The following APAF1 variants were observed in gnomAD, a reference collection of about 807,000 sequenced individuals.
The protein encoded by APAF1 is apoptotic peptidase activating factor 1, also known as apoptotic protease-activating factor 1.
APAF1 carries 91 observed loss-of-function variants against 152.4 expected under a neutral mutation model. The ratio of observed to expected loss-of-function variants is 0.60; its 90% CI spans 0.50 to 0.71. The LOEUF is 0.71. APAF1 is among the 30% of genes least tolerant of loss of function. The pLI, the probability that APAF1 is intolerant of heterozygous loss-of-function variation, is 0.00. For synonymous variants in APAF1, 484 were observed against 494.1 expected (o/e 0.98, Z 0.27); for missense variants, 1,283 against 1,472.0 (o/e 0.87, Z 2.10).
intron 20 of APAF1, among the ~76,000 whole-genome samples, chr12:98,709,971 G>A (rs897487201): frequency 2.0e-5 from 3 of 152,194 alleles, no homozygotes; most frequent in African/African-American, 7.2e-5. Flanking sequence ...CACCTCCTGG[G>A]TTCAAGAGAT....
At chr12:98,691,640 T>C (rs2097704338) in intron 16 of APAF1, among the ~76,000 whole-genome samples, 1 of 152,196 alleles carries the variant, frequency 6.6e-6, no homozygotes. Context: ...TAGTGTGAAA[T>C]CTGATATTTT....
At chr12:98,705,279 A>C (rs368216528) in intron 18 of APAF1, among the ~76,000 whole-genome samples, 1 of 152,278 alleles carries the variant, frequency 6.6e-6, no homozygotes, top group African/African-American at 2.4e-5. Flanking sequence ...TCAGCTCTGG[A>C]GGCTCTGAGT....
intron 4 of APAF1, among the ~76,000 whole-genome samples, chr12:98,653,756 A>G (rs2097652906): frequency 8.0e-6 from 1 of 124,608 alleles, no homozygotes; most frequent in Admixed American, 9.4e-5. Context: ...TACAGTTTTA[A>G]GTAACCCAGT....
chr12:98,677,941 A>G (rs1344543869), intron 13 of APAF1, among the ~76,000 whole-genome samples: 1 of 152,152 alleles, frequency 6.6e-6, no homozygotes, highest in African/African-American at 2.4e-5. Context: ...TTTTCTTGTA[A>G]ATAGGAACTG....
At position 98,666,239 on chromosome 12, in the gene APAF1, T is replaced by C; in HGVS notation, c.1244T>C (p.Leu415Pro). Residue 415 changes from leucine (L) to proline (P), a missense_variant, in exon 9 of 27, where the codon CTG becomes CCG. Transcript: ENST00000551964. ...GAAACTGAAGAAGTTGAAGACATAC[T>C]GCAGGAGTTTGTAAATAAGTCTCTT... ...DMETEEVEDI[L>P]QEFVNKSLLF... 1.2e-6 allele frequency: 2 copies of C among 1,613,992 alleles called. No homozygotes were observed. Among genetic ancestry groups the C allele is most frequent in the Non-Finnish European group, 1.7e-6 (2 of 1,179,884 alleles).
chr12:98,666,165 A>G, intron 8 of APAF1, 25 bp from the exon 9 acceptor site: 1 of 1,610,688 alleles, frequency 6.2e-7, no homozygotes, highest in Non-Finnish European at 8.5e-7. Flanking sequence ...TTTGTGGCAT[A>G]TTAAATACTT....
Position 98,708,840 on chromosome 12 carries a change from A to AAT in APAF1, c.2841+144_2841+145dup, listed in dbSNP as rs1331375131. ...GTGTCCAGCAGACATTAGTTAAATA[A>AAT]ATATATATAAGTCTTGAGCTGAGGC... On this transcript the variant is annotated intron_variant, in intron 20 of 26. Coordinates refer to ENST00000551964, the MANE Select transcript of APAF1 (RefSeq NM_181861.2). The AAT allele has an allele frequency of 6.2e-6, 5 of 802,638 alleles. No individual in the cohort carries two copies. In the Admixed American group the frequency reaches 7.9e-5, roughly 13 times the overall value. 49.7% of individuals were successfully genotyped at this position (802,638 alleles called of 1,614,324 possible).
At chr12:98,670,228 G>A (rs982545567) in intron 10 of APAF1, among the ~76,000 whole-genome samples, 2 of 152,152 alleles carry the variant, frequency 1.3e-5, no homozygotes, top group African/African-American at 4.8e-5. Context: ...ACAGGTGTGA[G>A]CCACTGTGCT....
chr12:98,648,884 T>C, intron 3 of APAF1, 69 bp downstream of exon 3: 1 of 1,416,760 alleles, frequency 7.1e-7, no homozygotes, highest in Non-Finnish European at 1.0e-6. Context: ...ATTGTAGATG[T>C]AATCTTTTGA....
chr12:98,683,400 A>G, intron 15 of APAF1, 126 bp downstream of exon 15: 1 of 985,250 alleles, frequency 1.0e-6, no homozygotes, highest in African/African-American at 1.6e-5. Flanking sequence ...ACAATAATAT[A>G]TTAGCTGAAG....
At chr12:98,708,491 AGGTATTTT>A in intron 19 of APAF1, 86 bp from the exon 20 acceptor site, 1 of 1,259,606 alleles carries the variant, frequency 7.9e-7, no homozygotes, top group South Asian at 1.3e-5. Flanking sequence ...CTAGCATCAT[AGGTATTTT>A]ATGTGAAACA....
intron 16 of APAF1, among the ~76,000 whole-genome samples, chr12:98,697,658 T>A (rs968757539): frequency 6.6e-6 from 1 of 152,170 alleles, no homozygotes; most frequent in Non-Finnish European, 1.5e-5. Context: ...CTGCCCATGT[T>A]TGTGGTGGCT....
At chr12:98,726,294 G>T (rs1350742197) in intron 25 of APAF1, among the ~76,000 whole-genome samples, 2 of 152,222 alleles carry the variant, frequency 1.3e-5, no homozygotes, top group Non-Finnish European at 2.9e-5. Flanking sequence ...TGAAAGATTA[G>T]AAATTATGGA....
intron 3 of APAF1, 66 bp from the exon 4 acceptor site, chr12:98,649,421 A>G: frequency 6.4e-7 from 1 of 1,555,970 alleles, no homozygotes; most frequent in Non-Finnish European, 8.9e-7. Context: ...TTTGTTTTTT[A>G]TGGTATTACT....
At chr12:98,715,136 G>A (rs1199891495) in intron 21 of APAF1, among the ~76,000 whole-genome samples, 3 of 144,588 alleles carry the variant, frequency 2.1e-5, no homozygotes, top group African/African-American at 7.7e-5. Flanking sequence ...GGGTAGTTGA[G>A]TACTCAGAAG....
chr12:98,722,038 G>A (rs970276553), intron 22 of APAF1, among the ~76,000 whole-genome samples: 1 of 152,114 alleles, frequency 6.6e-6, no homozygotes, highest in African/African-American at 2.4e-5. Flanking sequence ...TGTTTCTTTG[G>A]ATACCTTCCC....
At chr12:98,731,777 T>G (rs1271107185) in intron 26 of APAF1, among the ~76,000 whole-genome samples, 1 of 152,216 alleles carries the variant, frequency 6.6e-6, no homozygotes, top group Non-Finnish European at 1.5e-5. Context: ...TGATTCCCAT[T>G]TGTTAAATGA....
At chr12:98,694,975 C>CA (rs1206769946) in intron 16 of APAF1, among the ~76,000 whole-genome samples, 1 of 149,132 alleles carries the variant, frequency 6.7e-6, no homozygotes, top group Admixed American at 6.7e-5. Flanking sequence ...CTTTTGATGT[C>CA]AAAGTCTTTA....
At chr12:98,654,471 G>T (rs1287421154) in intron 4 of APAF1, among the ~76,000 whole-genome samples, 1 of 151,950 alleles carries the variant, frequency 6.6e-6, no homozygotes, top group African/African-American at 2.4e-5. Context: ...CCAGGCTGGG[G>T]TGCAATGATC....
Sources: gnomAD v4.1 joint callset for allele counts (sites outside exome capture counted in the v4.1 genomes callset) on GRCh38, gnomAD v4.1.1 for gene constraint, MANE v1.5 for transcripts, NCBI Gene and HGNC (gene_info 2026-07-23, HGNC 2026-07-21) for gene names.